Variants in MTX2 observed in about 807,000 individuals in gnomAD.
The protein encoded by MTX2 is metaxin-2.
A neutral mutation model predicts 42.3 loss-of-function variants in MTX2; 35 were observed. The observed-to-expected ratio is 0.83, with a 90% CI of 0.63 to 1.10. MTX2 has a LOEUF of 1.10. Ranked by LOEUF, MTX2 falls within the 50% of genes least tolerant of loss-of-function variation. MTX2 has a pLI of 0.00. For synonymous variants in MTX2, 119 were observed against 100.9 expected (o/e 1.18, Z -1.08); for missense variants, 307 against 304.1 (o/e 1.01, Z -0.07).
Position 176,326,897 on chromosome 2 carries a change from C to T in MTX2, c.281C>T (p.Ala94Val). 2 of 1,520,664 alleles carry T rather than the reference C, an allele frequency of 1.3e-6. No individual in the cohort carries two copies. The highest frequency in any genetic ancestry group is 1.8e-6 in the Non-Finnish European group (2 of 1,112,098). 94.2% of individuals were successfully genotyped at this position (1,520,664 alleles called of 1,614,324 possible). Residue 94 changes from alanine to valine, a missense_variant, in exon 5 of 10, where the codon GCC becomes GTC. Ala to Val is a moderately conservative substitution (Grantham distance 64, BLOSUM62 0). Transcript: ENST00000249442. Reference sequence around the variant, plus strand: ...GGTCCAATAGTCCAATTTGTTAAAGCCAAGGTAATAAAAAGATATTAAATG... The same window carrying T: ...GGTCCAATAGTCCAATTTGTTAAAGTCAAGGTAATAAAAAGATATTAAATG... ...ELGPIVQFVKAKGHSLSDGLE... is the reference protein window; with the variant it reads ...ELGPIVQFVKVKGHSLSDGLE...
intron 1 of MTX2, among the ~76,000 whole-genome samples, chr2:176,293,598 C>T (rs1212052164): frequency 1.3e-5 from 2 of 152,010 alleles, no homozygotes; most frequent in African/African-American, 4.8e-5. Flanking sequence ...CCTTCTCTTG[C>T]TCCTGCTCTT....
intron 1 of MTX2, among the ~76,000 whole-genome samples, chr2:176,282,836 T>G (rs911699255): frequency 6.6e-6 from 1 of 152,054 alleles, no homozygotes; most frequent in Non-Finnish European, 1.5e-5. Context: ...CCTGAGTAGC[T>G]GGGATTACAG....
intron 1 of MTX2, among the ~76,000 whole-genome samples, chr2:176,291,355 T>C (rs1693324587): frequency 6.6e-6 from 1 of 152,164 alleles, no homozygotes; most frequent in Admixed American, 6.6e-5. Context: ...ATGATGATAG[T>C]GCTAATAATG....
rs1051199003 is a variant in MTX2, at chr2:176,324,684, C to T, written c.208+1220C>T. Among the ~76,000 whole-genome samples the T allele has an allele frequency of 2.6e-5, 4 of 151,594 alleles. No individual in the cohort carries two copies. In the South Asian group the frequency reaches 8.3e-4, roughly 31 times the overall value. Reference sequence around the variant, plus strand: ...TGAGATATCAATATAGTTTATCTACCTGTTTCCTAAAATTACTATACTTAG... The same window carrying T: ...TGAGATATCAATATAGTTTATCTACTTGTTTCCTAAAATTACTATACTTAG... On this transcript the variant is annotated intron_variant, in intron 4 of 9. Coordinates refer to ENST00000249442, the MANE Select transcript of MTX2 (RefSeq NM_006554.5).
chr2:176,301,810 GC>G (rs1403491138), intron 3 of MTX2, among the ~76,000 whole-genome samples: 1 of 152,018 alleles, frequency 6.6e-6, no homozygotes, highest in African/African-American at 2.4e-5. Context: ...ACATGTCTTA[GC>G]TTTTGTATCT....
chr2:176,296,293 G>A lies in MTX2; in HGVS notation c.41-567G>A, dbSNP rs80314019. 2.3e-3 allele frequency among the ~76,000 whole-genome samples: 351 copies of A among 152,170 alleles called. 4 individuals carry two copies. Among genetic ancestry groups the A allele is most frequent in the African/African-American group, 7.9e-3 (330 of 41,540 alleles). ...GTGGGGTGGTGTTGGTAGGGTCAAG[G>A]CAATGAAATCTTCTGGAATACAACA... On this transcript the variant is annotated intron_variant, in intron 1 of 9. Coordinates refer to ENST00000249442, the MANE Select transcript of MTX2 (RefSeq NM_006554.5).
At chr2:176,280,548 T>G (rs568583937) in intron 1 of MTX2, among the ~76,000 whole-genome samples, 39 of 152,262 alleles carry the variant, frequency 2.6e-4, no homozygotes, top group Admixed American at 1.3e-3. Context: ...TGGCACAAGG[T>G]GAGATATAAC....
intron 3 of MTX2, among the ~76,000 whole-genome samples, chr2:176,317,038 T>TTAA (rs1553474451): frequency 2.1e-5 from 3 of 144,264 alleles, no homozygotes; most frequent in African/African-American, 7.7e-5. Context: ...GTGTCTTTTT[T>TTAA]AAAAAAAAAA....
At chr2:176,306,635 T>A (rs1684153417) in intron 3 of MTX2, among the ~76,000 whole-genome samples, 1 of 152,250 alleles carries the variant, frequency 6.6e-6, no homozygotes, top group African/African-American at 2.4e-5. Flanking sequence ...CATTTTGGTT[T>A]TGATTTGCAT....
intron 3 of MTX2, among the ~76,000 whole-genome samples, chr2:176,306,763 T>G (rs1202574371): frequency 1.3e-5 from 2 of 152,190 alleles, no homozygotes; most frequent in East Asian, 3.9e-4. Context: ...GGGTTGTTTT[T>G]TTCTTGTAAA....
At chr2:176,312,152 A>G (rs1009720057) in intron 3 of MTX2, among the ~76,000 whole-genome samples, 8 of 152,252 alleles carry the variant, frequency 5.3e-5, no homozygotes, top group African/African-American at 1.9e-4. Context: ...TCTGAACTTA[A>G]CAAGAGTTAC....
Position 176,288,634 on chromosome 2 carries a change from A to T in MTX2, c.41-8226A>T, listed in dbSNP as rs142305699. Among the ~76,000 whole-genome samples, 9 of 151,292 alleles carry T rather than the reference A, an allele frequency of 5.9e-5. No homozygotes were observed. The East Asian group carries it at 1.6e-3, about 26-fold the overall frequency. ...GTTGCCTAAGGATAAACTGAGTTTG[A>T]CTTCATTAGTGCACAAATGATAGGT... On this transcript the variant is annotated intron_variant, in intron 1 of 9. Transcript: ENST00000249442.
intron 3 of MTX2, among the ~76,000 whole-genome samples, chr2:176,317,052 C>CA (rs61246608): frequency 5.4e-5 from 8 of 147,216 alleles, no homozygotes; most frequent in South Asian, 2.1e-4. Flanking sequence ...AAAAAAAAAA[C>CA]AAAAACTTTT....
At chr2:176,330,341 T>A (rs983025788) in intron 8 of MTX2, among the ~76,000 whole-genome samples, 79 of 145,486 alleles carry the variant, frequency 5.4e-4, no homozygotes, top group Admixed American at 8.8e-4. Flanking sequence ...GTATTATATA[T>A]ATATACTTAT....
At chr2:176,292,940 G>T (rs1383561228) in intron 1 of MTX2, among the ~76,000 whole-genome samples, 1 of 152,124 alleles carries the variant, frequency 6.6e-6, no homozygotes, top group African/African-American at 2.4e-5. Flanking sequence ...GTTGGTATGT[G>T]TGTTGAAATT....
chr2:176,314,866 A>G (rs921312091), intron 3 of MTX2, among the ~76,000 whole-genome samples: 13 of 152,196 alleles, frequency 8.5e-5, no homozygotes, highest in African/African-American at 3.1e-4. Flanking sequence ...TTGGTACGCT[A>G]TAGGTGCAGG....
chr2:176,276,856 T>C (rs1692959709), intron 1 of MTX2, among the ~76,000 whole-genome samples: 1 of 152,196 alleles, frequency 6.6e-6, no homozygotes, highest in South Asian at 2.1e-4. Flanking sequence ...TCAGTTAGTT[T>C]CATCATACTA....
intron 3 of MTX2, among the ~76,000 whole-genome samples, chr2:176,298,350 A>G (rs7597047): frequency 0.32 from 49,198 of 151,824 alleles, 9,599 homozygotes; most frequent in African/African-American, 0.54. Flanking sequence ...TCCTGTAGCA[A>G]TGTTCTGGTT....
At chr2:176,310,340 T>C (rs1053189892) in intron 3 of MTX2, among the ~76,000 whole-genome samples, 3 of 152,182 alleles carry the variant, frequency 2.0e-5, no homozygotes, top group Admixed American at 6.5e-5. Flanking sequence ...TTAACATCTT[T>C]TCCTTCATTT....
Sources: gnomAD v4.1 joint callset for allele counts (sites outside exome capture counted in the v4.1 genomes callset) on GRCh38, gnomAD v4.1.1 for gene constraint, MANE v1.5 for transcripts, NCBI Gene and HGNC (gene_info 2026-07-23, HGNC 2026-07-21) for gene names.